Variants in CAPN1 observed in about 807,000 individuals in gnomAD.
CAPN1 encodes the protein calpain-1 catalytic subunit.
Under a neutral mutation model 105.2 loss-of-function variants are expected in CAPN1, and 77 were observed. The ratio of observed to expected loss-of-function variants is 0.73; its 90% confidence interval spans 0.61 to 0.88. The LOEUF is 0.88. Ranked by LOEUF, CAPN1 falls within the 40% of genes least tolerant of loss-of-function variation. The probability of loss-of-function intolerance (pLI) is 0.00; values close to 1 mark genes in which losing one functional copy is unlikely to be tolerated. For missense variants in CAPN1, 833 were observed against 976.6 expected, an observed-to-expected ratio of 0.85 and a Z score of 1.96; for synonymous variants, 355 against 388.8, an observed-to-expected ratio of 0.91 and a Z score of 1.02.
At chr11:65,202,878 T>C (rs1260588527) in intron 10 of CAPN1, among the ~76,000 whole-genome samples, 1 of 152,182 alleles carries the variant, frequency 6.6e-6, no homozygotes, top group Non-Finnish European at 1.5e-5. Context: ...AGGTACTCCT[T>C]AGCCATGACT....
rs377326288 is a variant in CAPN1, at chr11:65,183,212, C to T, written c.337+15C>T. 3.4e-5 allele frequency: 55 copies of T among 1,612,068 alleles called. 3 individuals are homozygous for T. The highest frequency in any genetic ancestry group is 2.7e-4 in the African/African-American group (20 of 74,878). On this transcript the variant is annotated intron_variant, in intron 3 of 21. Coordinates refer to ENST00000279247, the MANE Select transcript of CAPN1 (RefSeq NM_005186.4). ...GGGAGCACTGGGTAGGCCCCCAGGG[C>T]GTCGGGTCCCGGGTATTTTTTCCAC...
At position 65,208,517 on chromosome 11, in the gene CAPN1, C is replaced by A; in HGVS notation, c.1729+255C>A. On this transcript the variant is annotated intron_variant, in intron 16 of 21. Transcript: ENST00000279247. This position sits in a 1 kb window ranked among gnomAD's most constrained non-coding sequence, Gnocchi z 4.1. ...CAGCCTGGCCAGGCACAGTGGCTCA[C>A]ACCTGTAGTCCCAACACTCTGGGAG... 1 of 564,816 alleles carries A rather than the reference C, an allele frequency of 1.8e-6. No homozygotes were observed. Among genetic ancestry groups the A allele is most frequent in the South Asian group, 2.0e-5 (1 of 50,774 alleles). 35.0% of individuals were successfully genotyped at this position (564,816 alleles called of 1,614,324 possible). A position where few individuals can be genotyped will look rare whatever the true frequency, so the allele number is the denominator to read the frequency against.
At chr11:65,195,108 T>G (rs1274329381) in intron 10 of CAPN1, among the ~76,000 whole-genome samples, 2 of 135,956 alleles carry the variant, frequency 1.5e-5, no homozygotes, top group South Asian at 2.4e-4. Context: ...GGGTTTTTTT[T>G]TTTTTTTTTT....
In CAPN1 at chr11:65,188,008, C is replaced by A. The variant is rs201602806; in HGVS notation, c.897C>A (p.Gly299=). 162 of 1,561,196 alleles carry A rather than the reference C, an allele frequency of 1.0e-4. No individual in the cohort carries two copies. Among genetic ancestry groups the A allele is most frequent in the Non-Finnish European group, 1.4e-4 (159 of 1,152,862 alleles). ...TGATCCGGATGCGGAACCCCTGGGGCGAGGTGGAGTGGACGGGAGCCTGGA... is the reference window on the plus strand; with the variant it reads ...TGATCCGGATGCGGAACCCCTGGGGAGAGGTGGAGTGGACGGGAGCCTGGA... The part of the protein sequence containing the change: ...VSLIRMRNPW[G]EVEWTGAWSD... The change falls in exon 8 of 22, where the codon GGC becomes GGA. Residue 299 remains glycine, a synonymous_variant. Coordinates refer to ENST00000279247, the MANE Select transcript of CAPN1 (RefSeq NM_005186.4). This position sits in a 1 kb window ranked among gnomAD's most constrained non-coding sequence, Gnocchi z 5.5.
At position 65,208,329 on chromosome 11, in the gene CAPN1, C is replaced by A. The variant is rs565455970; in HGVS notation, c.1729+67C>A. 2 of 1,423,616 alleles carry A rather than the reference C, an allele frequency of 1.4e-6. No homozygotes were observed. Among genetic ancestry groups the A allele is most frequent in the Admixed American group, 3.9e-5 (2 of 50,872 alleles). 88.2% of individuals were successfully genotyped at this position (1,423,616 alleles called of 1,614,324 possible). On this transcript the variant is annotated intron_variant, in intron 16 of 21. Coordinates refer to ENST00000279247, the MANE Select transcript of CAPN1 (RefSeq NM_005186.4). This position sits in a 1 kb window ranked among gnomAD's most constrained non-coding sequence, Gnocchi z 4.1. ...CCACATCAGAATCCAGGCTCCTGCT[C>A]ACACATTGAGCTGAACCTCATCCCT...
rs764245201 is a variant in CAPN1, at chr11:65,206,835, C to T, written c.1605+16C>T. ...CCCCGATGAGGTGCGTGGTCCCACC[C>T]CACCAGGCCCCGTCCTCCTCTCTTC... On this transcript the variant is annotated intron_variant, in intron 14 of 21. Coordinates refer to ENST00000279247, the MANE Select transcript of CAPN1 (RefSeq NM_005186.4). The T allele has an allele frequency of 5.0e-6, 8 of 1,607,292 alleles. No individual in the cohort carries two copies. Among genetic ancestry groups the T allele is most frequent in the South Asian group, 4.5e-5 (4 of 89,810 alleles).
intron 11 of CAPN1, among the ~76,000 whole-genome samples, chr11:65,205,168 G>A (rs17886824): frequency 1.6e-3 from 240 of 152,342 alleles, no homozygotes; most frequent in African/African-American, 5.6e-3. Flanking sequence ...ATGCCTGGGA[G>A]TACTGAGCCC....
chr11:65,206,932 T>C (rs1297215419), intron 14 of CAPN1, 113 bp downstream of exon 14: 3 of 997,334 alleles, frequency 3.0e-6, no homozygotes, highest in Middle Eastern at 2.1e-4. Context: ...GAAGATCCCC[T>C]CCTGGTGGAA....
chr11:65,205,643 A>G, intron 11 of CAPN1, 67 bp from the exon 12 acceptor site: 1 of 1,505,494 alleles, frequency 6.6e-7, no homozygotes, highest in Non-Finnish European at 9.2e-7. Context: ...ACCTCTGCCC[A>G]GCATGCACTG....
chr11:65,186,004 G>T lies in CAPN1; in HGVS notation c.544G>T (p.Glu182Ter). 3.7e-6 allele frequency: 6 copies of T among 1,609,380 alleles called. No individual in the cohort carries two copies. The highest frequency in any genetic ancestry group is 4.2e-6 in the Non-Finnish European group (5 of 1,177,854). ...GAAGCTAGTGTTCGTGCACTCTGCC[G>T]AAGGCAACGAGTTCTGGAGCGCCCT... ...DGKLVFVHSA[E>*]GNEFWSALLE... The change falls in exon 5 of 22, where the codon GAA becomes TAA. Residue 182 changes from glutamate to a stop codon, truncating the protein, a stop_gained. Transcript: ENST00000279247. LOFTEE classifies it high-confidence loss of function.
intron 4 of CAPN1, 97 bp downstream of exon 4, chr11:65,183,689 C>A: frequency 1.3e-6 from 1 of 794,680 alleles, no homozygotes; most frequent in Non-Finnish European, 2.1e-6. Flanking sequence ...CCTGTGGGGC[C>A]AGCCCTCCCT....
intron 10 of CAPN1, among the ~76,000 whole-genome samples, chr11:65,202,235 A>G (rs1027472839): frequency 2.0e-5 from 3 of 152,036 alleles, no homozygotes; most frequent in Admixed American, 1.3e-4. Flanking sequence ...ATCTGCTTCT[A>G]TACCCTGGGG....
At chr11:65,182,419 C>T (rs945863930) in intron 1 of CAPN1, 5 of 412,354 alleles carry the variant, frequency 1.2e-5, no homozygotes, top group Admixed American at 4.0e-5. Context: ...CCCTGCCCCA[C>T]CTGACCTGCT....
chr11:65,202,306 T>C (rs1378824724), intron 10 of CAPN1, among the ~76,000 whole-genome samples: 2 of 152,214 alleles, frequency 1.3e-5, no homozygotes, highest in African/African-American at 4.8e-5. Context: ...ACTTTCTATT[T>C]TTTAAAAATA....
rs1257192105 is a variant in CAPN1, at chr11:65,188,077, G to A, written c.929+37G>A. 7 of 1,403,052 alleles carry A rather than the reference G, an allele frequency of 5.0e-6. No homozygotes were observed. Among genetic ancestry groups the A allele is most frequent in the Admixed American group, 2.2e-5 (1 of 45,042 alleles). The allele number at this position is 1,403,052 out of a possible 1,614,324, so 86.9% of individuals were successfully genotyped here. A position where few individuals can be genotyped will look rare whatever the true frequency, so the allele number is the denominator to read the frequency against. On this transcript the variant is annotated intron_variant, in intron 8 of 21. Transcript: ENST00000279247. The surrounding 1 kb of genome is among the most constrained non-coding windows in gnomAD (Gnocchi z 5.5). ...TGGGCACTGTCTGGAGTGCCTTGGGGAAACTGTTAGGTGCCCCGACATTTC... is the reference window on the plus strand; with the variant it reads ...TGGGCACTGTCTGGAGTGCCTTGGGAAAACTGTTAGGTGCCCCGACATTTC...
chr11:65,205,039 G>A (rs190397286), intron 11 of CAPN1, among the ~76,000 whole-genome samples, 181 bp downstream of exon 11: 1 of 152,330 alleles, frequency 6.6e-6, no homozygotes, highest in Admixed American at 6.5e-5. Flanking sequence ...GGAGGCACCT[G>A]CTGAGGCCCT....
At chr11:65,211,027 G>T in intron 21 of CAPN1, 155 bp downstream of exon 21, 1 of 782,770 alleles carries the variant, frequency 1.3e-6, no homozygotes. Flanking sequence ...GCTGGGGTGG[G>T]GGTGTCTGGA....
In CAPN1 at chr11:65,188,798, G is replaced by A. The variant is rs1948679792; in HGVS notation, c.1165+52G>A. The stretch of plus-strand genomic sequence containing the variant: ...GCTGCTTCCTGGCTTAGGGGCTCCA[G>A]AAGGCACGTCATCTTACTGAGCCTC... On this transcript the variant is annotated intron_variant, in intron 10 of 21. Coordinates refer to ENST00000279247, the MANE Select transcript of CAPN1 (RefSeq NM_005186.4). This position sits in a 1 kb window ranked among gnomAD's most constrained non-coding sequence, Gnocchi z 5.5. 4.8e-6 allele frequency: 7 copies of A among 1,466,276 alleles called. No homozygotes were observed. 90.8% of individuals were successfully genotyped at this position (1,466,276 alleles called of 1,614,324 possible). A position where few individuals can be genotyped will look rare whatever the true frequency, so the allele number is the denominator to read the frequency against.
At chr11:65,199,815 T>C (rs1393434322) in intron 10 of CAPN1, among the ~76,000 whole-genome samples, 1 of 152,246 alleles carries the variant, frequency 6.6e-6, no homozygotes, top group Non-Finnish European at 1.5e-5. Flanking sequence ...TTTTCATCTA[T>C]TTCTTTAAAC....
Sources: gnomAD v4.1 joint callset for allele counts (sites outside exome capture counted in the v4.1 genomes callset) on GRCh38, gnomAD v4.1.1 for gene constraint, Gnocchi (gnomAD v3.1) non-coding constraint, MANE v1.5 for transcripts, NCBI Gene and HGNC (gene_info 2026-07-23, HGNC 2026-07-21) for gene names.